INPPL1: variants seen among roughly 807,000 people sequenced by gnomAD.
INPPL1 encodes inositol polyphosphate phosphatase like 1.
Under a neutral mutation model 139.3 loss-of-function variants are expected in INPPL1, and 91 were observed. The observed-to-expected ratio is 0.65, with a 90% CI of 0.55 to 0.78. INPPL1 has a LOEUF of 0.78. INPPL1 is among the 30% of genes least tolerant of loss of function. The pLI is 0.00. For synonymous variants in INPPL1, 719 were observed against 686.6 expected (o/e 1.05, Z -0.74); for missense variants, 1,411 against 1,665.6 (o/e 0.85, Z 2.66).
chr11:72,233,069 C>T lies in INPPL1; in HGVS notation c.1952-6C>T, dbSNP rs1948880936. 1 of 1,613,856 alleles carries T rather than the reference C, an allele frequency of 6.2e-7. No homozygotes were observed. Among genetic ancestry groups the T allele is most frequent in the South Asian group, 1.1e-5 (1 of 91,060 alleles). The stretch of plus-strand genomic sequence containing the variant: ...CTGAACCCCACCTGTCTCCTGCTTT[C>T]CTTAGGTGAGGAGGAGATCTCCTTC... On this transcript the variant is annotated splice_region_variant and splice_polypyrimidine_tract_variant and intron_variant, in intron 16 of 27. Coordinates refer to ENST00000298229, the MANE Select transcript of INPPL1 (RefSeq NM_001567.4).
At chr11:72,233,368 G>C (rs1948890396) in intron 17 of INPPL1, 73 bp from the exon 18 acceptor site, 1 of 1,316,386 alleles carries the variant, frequency 7.6e-7, no homozygotes, top group Non-Finnish European at 1.1e-6. Flanking sequence ...GGACTCATCA[G>C]CTCTGGAGTG....
At position 72,237,532 on chromosome 11, in the gene INPPL1, G is replaced by GC; in HGVS notation, c.3290dup (p.Pro1098SerfsTer21). The GC allele has an allele frequency of 6.2e-7, 1 of 1,605,628 alleles. No individual in the cohort carries two copies. The highest frequency in any genetic ancestry group is 8.5e-7 in the Non-Finnish European group (1 of 1,174,632). On this transcript the variant is annotated frameshift_variant, in exon 26 of 28. Transcript: ENST00000298229. LOFTEE classifies it high-confidence loss of function. ...CACCACCTCCCAAGGCCCATCCAAG[G>GC]CCTCCACTGCCCCCAGGCCCCTCAC...
At position 72,234,944 on chromosome 11, in the gene INPPL1, G is replaced by A. The variant is rs907305509; in HGVS notation, c.2416-172G>A. On this transcript the variant is annotated intron_variant, in intron 21 of 27. Coordinates refer to ENST00000298229, the MANE Select transcript of INPPL1 (RefSeq NM_001567.4). The surrounding 1 kb of genome is among the most constrained non-coding windows in gnomAD (Gnocchi z 4.2). ...TGATGCTAGGTGCTGTAAAAGGCCTGTATAGGGCTGTGTCTTCTGCATTAA... is the reference window on the plus strand; with the variant it reads ...TGATGCTAGGTGCTGTAAAAGGCCTATATAGGGCTGTGTCTTCTGCATTAA... 1.3e-5 allele frequency among the ~76,000 whole-genome samples: 2 copies of A among 152,144 alleles called. No homozygotes were observed. Among genetic ancestry groups the A allele is most frequent in the African/African-American group, 4.8e-5 (2 of 41,422 alleles).
intron 1 of INPPL1, among the ~76,000 whole-genome samples, chr11:72,225,747 G>A (rs1948652868): frequency 6.6e-6 from 1 of 152,222 alleles, no homozygotes; most frequent in Non-Finnish European, 1.5e-5. Context: ...GAACCAATGA[G>A]TGAGTGTTTG....
At position 72,234,759 on chromosome 11, in the gene INPPL1, G is replaced by A; in HGVS notation, c.2415+144G>A. Reference sequence around the variant, plus strand: ...TGTGTGTGTGTGTGTGTGTGTGTGTGTGTGTATGGGCATGGGCATGAGTGA... The same window carrying A: ...TGTGTGTGTGTGTGTGTGTGTGTGTATGTGTATGGGCATGGGCATGAGTGA... On this transcript the variant is annotated intron_variant, in intron 21 of 27. Transcript: ENST00000298229. The surrounding 1 kb of genome is among the most constrained non-coding windows in gnomAD (Gnocchi z 4.2). 1 of 638,172 alleles carries A rather than the reference G, an allele frequency of 1.6e-6. No individual in the cohort carries two copies. Among genetic ancestry groups the A allele is most frequent in the East Asian group, 2.7e-5 (1 of 36,528 alleles). The allele number at this position is 638,172 out of a possible 1,614,324, so 39.5% of individuals were successfully genotyped here. A position where few individuals can be genotyped will look rare whatever the true frequency, so the allele number is the denominator to read the frequency against.
In INPPL1 at chr11:72,235,250, C is replaced by T. The variant is rs1449235218; in HGVS notation, c.2504-46C>T. 2.5e-6 allele frequency: 4 copies of T among 1,613,830 alleles called. No homozygotes were observed. In the South Asian group the frequency reaches 4.4e-5, roughly 18 times the overall value. On this transcript the variant is annotated intron_variant, in intron 22 of 27. Coordinates refer to ENST00000298229, the MANE Select transcript of INPPL1 (RefSeq NM_001567.4). The surrounding 1 kb of genome is among the most constrained non-coding windows in gnomAD (Gnocchi z 4.9). The stretch of plus-strand genomic sequence containing the variant: ...GGGGAACAGGAAGCCAGACAGGGCC[C>T]TAGATTAGCTTGGTAATTTGCTGGT...
chr11:72,224,979 C>T lies in INPPL1; in HGVS notation c.-6C>T. 1 of 1,158,040 alleles carries T rather than the reference C, an allele frequency of 8.6e-7. No individual in the cohort carries two copies. The highest frequency in any genetic ancestry group is 1.1e-6 in the Non-Finnish European group (1 of 940,900). The allele number at this position is 1,158,040 out of a possible 1,614,324, so 71.7% of individuals were successfully genotyped here. A position where few individuals can be genotyped will look rare whatever the true frequency, so the allele number is the denominator to read the frequency against. On this transcript the variant is annotated 5_prime_UTR_variant, in exon 1 of 28. Coordinates refer to ENST00000298229, the MANE Select transcript of INPPL1 (RefSeq NM_001567.4). ...GGGGCGGGCGGTGCTGAGCCCTGCG[C>T]GGGCCATGGCCTCGGCCTGCGGGGC...
intron 1 of INPPL1, among the ~76,000 whole-genome samples, chr11:72,226,807 A>G (rs1948687896): frequency 6.6e-6 from 1 of 151,932 alleles, no homozygotes; most frequent in South Asian, 2.1e-4. Context: ...TAGGCTGGGG[A>G]GGGAGGCAGG....
intron 19 of INPPL1, 88 bp downstream of exon 19, chr11:72,233,832 A>T: frequency 9.5e-7 from 1 of 1,052,498 alleles, no homozygotes; most frequent in Non-Finnish European, 1.5e-6. Context: ...TTGACTATGT[A>T]AGTGTGTGTG....
In INPPL1 at chr11:72,235,142, G is replaced by C; in HGVS notation, c.2442G>C (p.Glu814Asp). ...TCAAACCAATTCTGGCTGATATCGA[G>C]TACCTGCAGGACCAGCACCTCCTGC... is the stretch of plus-strand genomic sequence containing the variant. ...PTLKPILADIEYLQDQHLLLT... is the reference protein window; with the variant it reads ...PTLKPILADIDYLQDQHLLLT... Residue 814 changes from glutamate to aspartate, a missense_variant, in exon 22 of 28, where the codon GAG becomes GAC. Physicochemically the swap from Glu to Asp is conservative, Grantham distance 45. Around this residue, in one of 5 missense-constraint regions of INPPL1, gnomAD observed 363 missense variants for 446.2 expected, o/e 0.81. Coordinates refer to ENST00000298229, the MANE Select transcript of INPPL1 (RefSeq NM_001567.4). The surrounding 1 kb of genome is among the most constrained non-coding windows in gnomAD (Gnocchi z 4.9). The C allele has an allele frequency of 6.2e-7, 1 of 1,614,020 alleles. No homozygotes were observed. Among genetic ancestry groups the C allele is most frequent in the Non-Finnish European group, 8.5e-7 (1 of 1,179,992 alleles).
chr11:72,232,443 G>A, intron 14 of INPPL1, 107 bp downstream of exon 14: 1 of 1,231,254 alleles, frequency 8.1e-7, no homozygotes, highest in Non-Finnish European at 1.1e-6. Context: ...CCTGTCTCCA[G>A]AGACCCCCTG....
At chr11:72,236,745 A>C (rs996980962) in intron 25 of INPPL1, among the ~76,000 whole-genome samples, 1 of 152,222 alleles carries the variant, frequency 6.6e-6, no homozygotes, top group East Asian at 1.9e-4. Context: ...ATCTCTGAGA[A>C]AGATTCTGCA....
intron 1 of INPPL1, chr11:72,225,425 G>A: frequency 1.0e-6 from 1 of 985,392 alleles, no homozygotes; most frequent in Non-Finnish European, 1.2e-6. Flanking sequence ...CTGTGATGAC[G>A]AAAAATTCGG....
intron 18 of INPPL1, 43 bp downstream of exon 18, chr11:72,233,565 C>A: frequency 6.2e-7 from 1 of 1,605,986 alleles, no homozygotes; most frequent in Non-Finnish European, 8.5e-7. Flanking sequence ...CTGGGGTGGT[C>A]ACCATCTGGA....
At chr11:72,223,715 G>C (rs969525130), upstream of INPPL1, 9 of 151,916 alleles carry the variant, frequency 5.9e-5, 1 homozygote, top group Admixed American at 5.9e-4. Context: ...CCATTTTCCA[G>C]AGCGGGAAGC....
rs1352361632 is a variant in INPPL1, at chr11:72,234,229, C to T, written c.2213-52C>T. On this transcript the variant is annotated intron_variant, in intron 19 of 27. Coordinates refer to ENST00000298229, the MANE Select transcript of INPPL1 (RefSeq NM_001567.4). This position sits in a 1 kb window ranked among gnomAD's most constrained non-coding sequence, Gnocchi z 4.2. ...CAGGGCCCTGTTTCTCTGTCCCATT[C>T]CTCCTGTGATCCTCTCAGTCCTCCT... 4 of 1,371,490 alleles carry T rather than the reference C, an allele frequency of 2.9e-6. No individual in the cohort carries two copies. The Admixed American group carries it at 6.7e-5, about 23-fold the overall frequency. 85.0% of individuals were successfully genotyped at this position (1,371,490 alleles called of 1,614,324 possible).
chr11:72,230,552 C>A, intron 10 of INPPL1, 84 bp downstream of exon 10: 1 of 1,314,522 alleles, frequency 7.6e-7, no homozygotes, highest in Non-Finnish European at 1.1e-6. Flanking sequence ...AGAAAGGGAA[C>A]ACATGATGTA....
intron 13 of INPPL1, 56 bp downstream of exon 13, chr11:72,231,671 T>C (rs886537942): frequency 2.4e-6 from 3 of 1,256,210 alleles, no homozygotes; most frequent in Non-Finnish European, 3.5e-6. Context: ...CCATGGCTTC[T>C]GCTTCCTCTC....
chr11:72,232,748 T>C lies in INPPL1; in HGVS notation c.1835T>C (p.Leu612Pro). Residue 612 changes from leucine to proline, a missense_variant, in exon 15 of 28, where the codon CTG becomes CCG. By Grantham distance (98) the Leu-to-Pro change is moderately conservative (BLOSUM62 -3). This residue lies in a region of INPPL1 where 363 missense variants were observed against 446.2 expected (regional missense o/e 0.81). Coordinates refer to ENST00000298229, the MANE Select transcript of INPPL1 (RefSeq NM_001567.4). ...TGGTTTGGGGACCTCAACTACCGCC[T>C]GGACATGGATATCCAGGTGCGAGCA... The part of the protein sequence containing the change: ...LFWFGDLNYR[L>P]DMDIQEILNY... The C allele has an allele frequency of 1.2e-6, 2 of 1,614,016 alleles. No homozygotes were observed. Among genetic ancestry groups the C allele is most frequent in the Non-Finnish European group, 1.7e-6 (2 of 1,180,008 alleles).
Sources: allele counts gnomAD v4.1 joint callset (sites outside exome capture counted in the v4.1 genomes callset), GRCh38; gene constraint gnomAD v4.1.1; regional missense constraint gnomAD v4.1.1; non-coding constraint Gnocchi (gnomAD v3.1); transcripts MANE v1.5; gene names NCBI Gene and HGNC (gene_info 2026-07-23, HGNC 2026-07-21).